GPR158: variants seen among roughly 807,000 people sequenced by gnomAD.
The protein encoded by GPR158 is metabotropic glycine receptor.
Under a neutral mutation model 78.2 loss-of-function variants are expected in GPR158, and 30 were observed. The ratio of observed to expected loss-of-function variants is 0.38; its 90% CI spans 0.29 to 0.52. GPR158 has a LOEUF of 0.52. Among genes scored for constraint, GPR158 ranks in the 20% least tolerant of loss-of-function variants. GPR158 has a pLI of 0.83. For synonymous variants in GPR158, 581 were observed against 591.1 expected (o/e 0.98, Z 0.25); for missense variants, 1,463 against 1,523.5 (o/e 0.96, Z 0.66).
At chr10:25,338,564 G>GTATATTATTATATATAATACGTATTATA (rs1855257832) in intron 2 of GPR158, among the ~76,000 whole-genome samples, 21 of 130,534 alleles carry the variant, frequency 1.6e-4, no homozygotes, top group East Asian at 1.5e-3. Context: ...AATACGTATT[G>GTATATTATTATATATAATACGTATTATA]TATATTATTA....
chr10:25,422,706 T>C (rs1240088878), intron 4 of GPR158, among the ~76,000 whole-genome samples: 1 of 151,964 alleles, frequency 6.6e-6, no homozygotes, highest in Non-Finnish European at 1.5e-5. Flanking sequence ...TCTTGTGTTA[T>C]TATTTTTTAT....
At chr10:25,260,276 T>C (rs1299967592) in intron 2 of GPR158, among the ~76,000 whole-genome samples, 1 of 152,122 alleles carries the variant, frequency 6.6e-6, no homozygotes, top group African/African-American at 2.4e-5. Flanking sequence ...TTTTTCCCCT[T>C]ATAACTCTCC....
chr10:25,473,591 T>C (rs990044560), intron 5 of GPR158, among the ~76,000 whole-genome samples: 1 of 152,106 alleles, frequency 6.6e-6, no homozygotes, highest in African/African-American at 2.4e-5. Context: ...GTGCTGGACT[T>C]TTTTTGGTTG....
intron 7 of GPR158, among the ~76,000 whole-genome samples, chr10:25,581,814 C>A (rs375768251): frequency 2.2e-4 from 33 of 152,262 alleles, no homozygotes; most frequent in African/African-American, 7.2e-4. Context: ...CCTCCCCAAA[C>A]AATACCCATG....
intron 2 of GPR158, among the ~76,000 whole-genome samples, chr10:25,263,996 G>A (rs1854005930): frequency 6.6e-6 from 1 of 152,138 alleles, no homozygotes; most frequent in Admixed American, 6.6e-5. Context: ...ATCCTTTGGA[G>A]ACTTTTTTTA....
intron 5 of GPR158, among the ~76,000 whole-genome samples, chr10:25,549,693 C>T (rs1005087782): frequency 4.6e-5 from 7 of 152,036 alleles, no homozygotes; most frequent in South Asian, 2.1e-4. Flanking sequence ...CACTTTTGTC[C>T]GTATTTTCTC....
intron 1 of GPR158, among the ~76,000 whole-genome samples, chr10:25,190,939 AGAGAT>A (rs1852764072): frequency 6.6e-6 from 1 of 152,214 alleles, no homozygotes; most frequent in Non-Finnish European, 1.5e-5. Flanking sequence ...TGTGAATATT[AGAGAT>A]GAATCCAAGG....
chr10:25,319,669 T>G (rs113284190), intron 2 of GPR158, among the ~76,000 whole-genome samples: 2,343 of 152,302 alleles, frequency 0.015, 66 homozygotes, highest in African/African-American at 0.053. Context: ...GATAAATAGT[T>G]GCTGGTTGAG....
chr10:25,435,977 A>G (rs1834992222), intron 4 of GPR158, among the ~76,000 whole-genome samples: 1 of 152,162 alleles, frequency 6.6e-6, no homozygotes, highest in South Asian at 2.1e-4. Context: ...TGATTCCTGA[A>G]GCTTGGGGAA....
intron 6 of GPR158, among the ~76,000 whole-genome samples, chr10:25,557,063 A>G (rs1451685617): frequency 6.6e-6 from 1 of 152,240 alleles, no homozygotes; most frequent in Non-Finnish European, 1.5e-5. Context: ...GGCTCTTAAC[A>G]AATATAAATT....
chr10:25,513,538 G>A (rs567016304), intron 5 of GPR158, among the ~76,000 whole-genome samples: 95 of 149,756 alleles, frequency 6.3e-4, no homozygotes, highest in Middle Eastern at 6.9e-3. Flanking sequence ...TCTGATATTC[G>A]TTGTTTCTTT....
At chr10:25,543,074 A>G (rs1011632660) in intron 5 of GPR158, among the ~76,000 whole-genome samples, 15 of 152,148 alleles carry the variant, frequency 9.9e-5, no homozygotes, top group African/African-American at 3.6e-4. Context: ...ACCTGAGAGG[A>G]AAGCCTGGAG....
chr10:25,480,137 G>A (rs1835646246), intron 5 of GPR158, among the ~76,000 whole-genome samples: 1 of 151,872 alleles, frequency 6.6e-6, no homozygotes, highest in African/African-American at 2.4e-5. Context: ...TTGTCAGAAG[G>A]AACATGTTTT....
intron 2 of GPR158, among the ~76,000 whole-genome samples, chr10:25,247,501 T>G (rs1446654363): frequency 9.1e-6 from 1 of 109,568 alleles, no homozygotes; most frequent in Admixed American, 1.2e-4. Context: ...GAGTGTGATA[T>G]TCCCCTTCCT....
chr10:25,595,111 CTG>C (rs1253656176), intron 9 of GPR158, among the ~76,000 whole-genome samples: 3 of 152,154 alleles, frequency 2.0e-5, no homozygotes, highest in Non-Finnish European at 4.4e-5. Context: ...TATTAGAACA[CTG>C]TGTATCTTTT....
intron 8 of GPR158, among the ~76,000 whole-genome samples, chr10:25,590,433 T>C (rs899352468): frequency 6.6e-6 from 1 of 152,096 alleles, no homozygotes; most frequent in Non-Finnish European, 1.5e-5. Flanking sequence ...TTTCAGCTAC[T>C]CAGACTGGAG....
intron 2 of GPR158, among the ~76,000 whole-genome samples, chr10:25,367,646 A>C (rs1312838425): frequency 1.2e-5 from 1 of 85,500 alleles, no homozygotes; most frequent in Non-Finnish European, 2.6e-5. Context: ...TATCTCAGTA[A>C]GGTGGGGTTT....
At position 25,597,838 on chromosome 10, in the gene GPR158, C is replaced by T; in HGVS notation, c.2212C>T (p.Pro738Ser). The change falls in exon 11 of 11, where the codon CCC becomes TCC. Residue 738 changes from proline (P) to serine (S), a missense_variant. Pro to Ser is a moderately conservative substitution (Grantham distance 74). Coordinates refer to ENST00000376351, the MANE Select transcript of GPR158 (RefSeq NM_020752.3). ...YKRKKMITNN[P>S]HLQKKRCSKK... ...AAGAAAGAAGATGATCACAAACAAC[C>T]CCCACCTCCAGAAAAAGCGGTGCTC... 6.5e-7 allele frequency: 1 copy of T among 1,536,746 alleles called. No individual in the cohort carries two copies. The highest frequency in any genetic ancestry group is 1.3e-5 in the South Asian group (1 of 77,506).
intron 3 of GPR158, among the ~76,000 whole-genome samples, chr10:25,403,048 A>C (rs986943900): frequency 3.3e-5 from 5 of 151,796 alleles, no homozygotes; most frequent in Admixed American, 1.3e-4. Flanking sequence ...AAATGTCTGT[A>C]TATATCATCT....
Sources: gnomAD v4.1 joint callset for allele counts (sites outside exome capture counted in the v4.1 genomes callset) on GRCh38, gnomAD v4.1.1 for gene constraint, MANE v1.5 for transcripts, NCBI Gene and HGNC (gene_info 2026-07-23, HGNC 2026-07-21) for gene names.